The following EBF1 variants were observed in gnomAD, a reference collection of about 807,000 sequenced individuals.
EBF1 encodes EBF transcription factor 1, also known as transcription factor COE1.
A neutral mutation model predicts 68.4 loss-of-function variants in EBF1; 10 were observed. That is an observed-to-expected ratio of 0.15 (90% CI 0.09 to 0.25). The LOEUF is 0.25. Ranked by LOEUF, EBF1 falls within the 10% of genes least tolerant of loss-of-function variation. The pLI, the probability that EBF1 is intolerant of heterozygous loss-of-function variation, is 1.00. For missense variants in EBF1, 509 were observed against 794.4 expected, an observed-to-expected ratio of 0.64 and a Z score of 4.32; for synonymous variants, 298 against 299.8, an observed-to-expected ratio of 0.99 and a Z score of 0.06.
At chr5:158,840,645 GTTTTTTTTTTTTTT>G (rs534374216) in intron 6 of EBF1, among the ~76,000 whole-genome samples, 80 of 64,820 alleles carry the variant, frequency 1.2e-3, no homozygotes, top group Non-Finnish European at 2.0e-3. Context: ...AATACCTCCT[GTTTTTTTTTTTTTT>G]TTTTTTTTTT....
chr5:158,805,595 T>C (rs1300575042), intron 8 of EBF1, among the ~76,000 whole-genome samples: 1 of 152,126 alleles, frequency 6.6e-6, no homozygotes, highest in Non-Finnish European at 1.5e-5. Flanking sequence ...GAAATGTTTT[T>C]GCTATGAATT....
chr5:159,084,785 A>AT, intron 4 of EBF1, 46 bp from the exon 5 acceptor site: 38 of 1,453,770 alleles, frequency 2.6e-5, no homozygotes, highest in Non-Finnish European at 3.1e-5. Flanking sequence ...AAGGAGTAGC[A>AT]GAAAAAAAAA....
intron 8 of EBF1, among the ~76,000 whole-genome samples, chr5:158,816,536 C>T (rs908278217): frequency 1.3e-5 from 2 of 152,224 alleles, no homozygotes; most frequent in African/African-American, 4.8e-5. Context: ...TCAGTGTGAG[C>T]TGTGGCTCAG....
chr5:158,942,695 G>T (rs1041766044), intron 6 of EBF1, among the ~76,000 whole-genome samples: 1 of 152,006 alleles, frequency 6.6e-6, no homozygotes, highest in African/African-American at 2.4e-5. Flanking sequence ...GAAAGTTCCA[G>T]CCCGTGGGGT....
At chr5:158,926,950 A>T (rs1809837103) in intron 6 of EBF1, among the ~76,000 whole-genome samples, 1 of 152,176 alleles carries the variant, frequency 6.6e-6, no homozygotes, top group African/African-American at 2.4e-5. Flanking sequence ...GTGGAAAAGC[A>T]AGCCTTCCTT....
At chr5:158,962,777 C>G (rs926837586) in intron 6 of EBF1, among the ~76,000 whole-genome samples, 1 of 152,136 alleles carries the variant, frequency 6.6e-6, no homozygotes, top group African/African-American at 2.4e-5. Context: ...TATAGGACTT[C>G]GAGCCATCTC....
chr5:158,837,591 A>G (rs1200368559), intron 7 of EBF1, among the ~76,000 whole-genome samples: 4 of 152,204 alleles, frequency 2.6e-5, no homozygotes, highest in Admixed American at 6.5e-5. Context: ...AAGAATAACT[A>G]TTTTGTTTGC....
intron 8 of EBF1, among the ~76,000 whole-genome samples, chr5:158,800,637 TCTC>T (rs908040018): frequency 6.9e-4 from 105 of 152,272 alleles, no homozygotes; most frequent in African/African-American, 2.5e-3. Flanking sequence ...CCTCCCCTTC[TCTC>T]CTCATTTTGG....
In EBF1 at chr5:159,077,306, G is replaced by T. The variant is rs181781043; in HGVS notation, c.486-3842C>A. Among the ~76,000 whole-genome samples, 5 of 152,304 alleles carry T rather than the reference G, an allele frequency of 3.3e-5. No individual in the cohort carries two copies. In the East Asian group the frequency reaches 9.7e-4, roughly 29 times the overall value. The stretch of plus-strand genomic sequence containing the variant: ...TTAAAAAAATTATCTGGGTGTGGTG[G>T]TGGGTGCCTGTGATCCCAGCTACTC... On this transcript the variant is annotated intron_variant, in intron 5 of 15. Coordinates refer to ENST00000313708, the MANE Select transcript of EBF1 (RefSeq NM_024007.5).
chr5:159,099,227 T>C lies in EBF1; in HGVS notation c.134+118A>G, dbSNP rs1350221739. 3 of 761,138 alleles carry C rather than the reference T, an allele frequency of 3.9e-6. No homozygotes were observed. The South Asian group carries it at 1.5e-4, about 38-fold the overall frequency. 47.1% of individuals were successfully genotyped at this position (761,138 alleles called of 1,614,324 possible). On this transcript the variant is annotated intron_variant, in intron 1 of 15. Transcript: ENST00000313708. ...CCGGCGGAGAGCGGAGCGCAGCGGCTGCGGACTCACCCCGCCGCCCGGCCC... is the reference window on the plus strand; with the variant it reads ...CCGGCGGAGAGCGGAGCGCAGCGGCCGCGGACTCACCCCGCCGCCCGGCCC...
chr5:158,704,442 T>G (rs57120718), intron 15 of EBF1, among the ~76,000 whole-genome samples: 1 of 152,318 alleles, frequency 6.6e-6, no homozygotes, highest in African/African-American at 2.4e-5. Context: ...ACCTCTAATC[T>G]TGTTGACATG....
intron 6 of EBF1, among the ~76,000 whole-genome samples, chr5:158,878,184 A>T (rs996908756): frequency 6.6e-6 from 1 of 152,096 alleles, no homozygotes; most frequent in African/African-American, 2.4e-5. Context: ...ACGAACAGCA[A>T]TGAGAATATT....
intron 10 of EBF1, among the ~76,000 whole-genome samples, chr5:158,747,522 C>A (rs1767855824): frequency 6.6e-6 from 1 of 152,090 alleles, no homozygotes; most frequent in South Asian, 2.1e-4. Flanking sequence ...CATTTCAAAG[C>A]CAAATAGACC....
At chr5:159,029,677 G>A (rs1213413235) in intron 6 of EBF1, among the ~76,000 whole-genome samples, 3 of 151,950 alleles carry the variant, frequency 2.0e-5, no homozygotes, top group Admixed American at 6.6e-5. Flanking sequence ...TAACTAGGCC[G>A]GGCACCATGG....
At chr5:159,010,209 AGAT>A (rs1278181405) in intron 6 of EBF1, among the ~76,000 whole-genome samples, 1 of 152,232 alleles carries the variant, frequency 6.6e-6, no homozygotes, top group Non-Finnish European at 1.5e-5. Flanking sequence ...ATATCCTCGC[AGAT>A]GAGATGGAGA....
At chr5:158,840,651 T>G (rs1790069818) in intron 6 of EBF1, among the ~76,000 whole-genome samples, 2 of 87,234 alleles carry the variant, frequency 2.3e-5, no homozygotes, top group Non-Finnish European at 2.5e-5. Flanking sequence ...TCCTGTTTTT[T>G]TTTTTTTTTT....
chr5:158,893,872 C>T (rs1484911393), intron 6 of EBF1, among the ~76,000 whole-genome samples: 1 of 152,070 alleles, frequency 6.6e-6, no homozygotes, highest in Non-Finnish European at 1.5e-5. Flanking sequence ...AAGGGCTCTT[C>T]GGGGACCAAA....
At chr5:158,815,948 A>G (rs1006897937) in intron 8 of EBF1, among the ~76,000 whole-genome samples, 1 of 152,210 alleles carries the variant, frequency 6.6e-6, no homozygotes, top group Admixed American at 6.5e-5. Flanking sequence ...ATTTTATGAC[A>G]CAGCTGGATA....
chr5:158,969,921 A>AG (rs1561664353), intron 6 of EBF1, among the ~76,000 whole-genome samples: 1 of 73,642 alleles, frequency 1.4e-5, no homozygotes. Flanking sequence ...AGAAAGAAAA[A>AG]AAAAAAAAAG....
Sources: gnomAD v4.1 joint callset for allele counts (sites outside exome capture counted in the v4.1 genomes callset) on GRCh38, gnomAD v4.1.1 for gene constraint, MANE v1.5 for transcripts, NCBI Gene and HGNC (gene_info 2026-07-23, HGNC 2026-07-21) for gene names.